The following PLBD1 variants were observed in gnomAD, a reference collection of about 807,000 sequenced individuals.
PLBD1 encodes the protein phospholipase B domain containing 1.
Under a neutral mutation model 63.0 loss-of-function variants are expected in PLBD1, and 60 were observed. That is an observed-to-expected ratio of 0.95 (90% confidence interval 0.77 to 1.18). The LOEUF (loss-of-function observed/expected upper bound fraction) is 1.18, where lower values mean the gene tolerates loss of function less well. Among genes scored for constraint, PLBD1 ranks in the 50% most tolerant of loss-of-function variants. The pLI is 0.00. For synonymous variants in PLBD1, 262 were observed against 248.0 expected, an observed-to-expected ratio of 1.06 and a Z score of -0.53; for missense variants, 598 against 677.9, an observed-to-expected ratio of 0.88 and a Z score of 1.31.
chr12:14,552,205 G>A (rs927053272), intron 2 of PLBD1, among the ~76,000 whole-genome samples: 4 of 152,086 alleles, frequency 2.6e-5, no homozygotes, highest in African/African-American at 9.7e-5. Flanking sequence ...AAAGAGGCAA[G>A]CAAAGTCATC....
rs185022744 is a variant in PLBD1 at position 14,545,630 on chromosome 12, G to A, written c.336-3339C>T. Among the ~76,000 whole-genome samples the A allele has an allele frequency of 2.6e-5, 4 of 152,204 alleles. No homozygotes were observed. The East Asian group carries it at 5.8e-4, about 22-fold the overall frequency. ...GGAGTTCAGAATTGGAGGCCATTCT[G>A]GATTCCAAGAATGGGAATTTGGCTC... On this transcript the variant is annotated intron_variant, in intron 2 of 10. Transcript: ENST00000240617.
At chr12:14,567,352 G>C (rs1248845836) in intron 1 of PLBD1, among the ~76,000 whole-genome samples, 2 of 152,166 alleles carry the variant, frequency 1.3e-5, no homozygotes, top group Non-Finnish European at 2.9e-5. Context: ...CCAAGAATTC[G>C]GGCCAAAACT....
chr12:14,534,286 T>C (rs1945492142), intron 6 of PLBD1, among the ~76,000 whole-genome samples: 1 of 152,210 alleles, frequency 6.6e-6, no homozygotes, highest in Admixed American at 6.5e-5. Flanking sequence ...GTGTATCCAG[T>C]TGAACCCTTA....
intron 4 of PLBD1, among the ~76,000 whole-genome samples, chr12:14,538,567 A>G (rs570539467): frequency 1.3e-5 from 2 of 152,162 alleles, no homozygotes; most frequent in East Asian, 1.9e-4. Context: ...TTTTTGATGA[A>G]TTTTCAAGTG....
At chr12:14,516,147 G>A (rs1945335285) in intron 6 of PLBD1, among the ~76,000 whole-genome samples, 1 of 152,074 alleles carries the variant, frequency 6.6e-6, no homozygotes, top group Non-Finnish European at 1.5e-5. Flanking sequence ...TGACCAACAT[G>A]GTGAAACCCC....
At chr12:14,563,707 C>T (rs1281161277) in intron 1 of PLBD1, among the ~76,000 whole-genome samples, 1 of 152,136 alleles carries the variant, frequency 6.6e-6, no homozygotes, top group African/African-American at 2.4e-5. Flanking sequence ...ACTTATAATA[C>T]CCATCTTCCA....
rs113284746 is a variant in PLBD1, at chr12:14,556,166, T to C, written c.116-2754A>G. Among the ~76,000 whole-genome samples the C allele has an allele frequency of 7.2e-4, 110 of 152,322 alleles. 2 individuals carry two copies. The highest frequency in any genetic ancestry group is 2.6e-3 in the African/African-American group (108 of 41,562). ...TCAGAGAGGTGGGAGGACGCCAGAA[T>C]GACTATCAGGTTTTAGGCTGAGACT... On this transcript the variant is annotated intron_variant, in intron 1 of 10. Transcript: ENST00000240617.
chr12:14,561,790 A>G lies in PLBD1; in HGVS notation c.115+5792T>C, dbSNP rs182676889. On this transcript the variant is annotated intron_variant, in intron 1 of 10. Transcript: ENST00000240617. Reference sequence around the variant, plus strand: ...AGGCTGGTCTCGAACTCTCAACCTAAGGTGATCTGCCTGCCTTGACCTCCC... The same window carrying G: ...AGGCTGGTCTCGAACTCTCAACCTAGGGTGATCTGCCTGCCTTGACCTCCC... Among the ~76,000 whole-genome samples the G allele has an allele frequency of 2.2e-3, 342 of 152,184 alleles. 3 individuals carry two copies. Among genetic ancestry groups the G allele is most frequent in the African/African-American group, 7.8e-3 (326 of 41,532 alleles).
chr12:14,539,480 G>GC (rs141217764), intron 4 of PLBD1, among the ~76,000 whole-genome samples: 1,519 of 151,332 alleles, frequency 0.01, 17 homozygotes, highest in African/African-American at 0.035. Context: ...TTTTGAATTT[G>GC]CACAAATACA....
chr12:14,524,157 G>T (rs1334693060), intron 6 of PLBD1, among the ~76,000 whole-genome samples: 1 of 152,034 alleles, frequency 6.6e-6, no homozygotes, highest in East Asian at 1.9e-4. Context: ...AGCTGGGGAG[G>T]GTAGGCAAGG....
intron 1 of PLBD1, among the ~76,000 whole-genome samples, chr12:14,556,823 A>G (rs985283934): frequency 2.6e-5 from 4 of 151,694 alleles, no homozygotes; most frequent in Non-Finnish European, 5.9e-5. Context: ...CGTCTCTACT[A>G]AAAATACAAA....
Position 14,536,619 on chromosome 12 carries a change from A to G in PLBD1, c.650T>C (p.Leu217Pro). 6.2e-7 allele frequency: 1 copy of G among 1,614,198 alleles called. No homozygotes were observed. The highest frequency in any genetic ancestry group is 8.5e-7 in the Non-Finnish European group (1 of 1,180,018). The change falls in exon 5 of 11, where the codon CTA becomes CCA. Residue 217 changes from leucine to proline, a missense_variant. Leu to Pro is a moderately conservative substitution (Grantham distance 98). Coordinates refer to ENST00000240617, the MANE Select transcript of PLBD1 (RefSeq NM_024829.6). ...PSLSPTKNGS[L>P]KVFKRWDMGH... ...CATGTCCCATCTCTTAAAAACCTTTAGGCTGCCGTTTTTTGTGGGAGAGAG... is the reference window on the plus strand; with the variant it reads ...CATGTCCCATCTCTTAAAAACCTTTGGGCTGCCGTTTTTTGTGGGAGAGAG...
intron 4 of PLBD1, among the ~76,000 whole-genome samples, chr12:14,537,802 CTGTTT>C: frequency 6.6e-6 from 1 of 152,010 alleles, no homozygotes; most frequent in South Asian, 2.1e-4. Flanking sequence ...AATATCATCT[CTGTTT>C]TGTTTGTTTG....
At position 14,547,864 on chromosome 12, in the gene PLBD1, C is replaced by T. The variant is rs547328861; in HGVS notation, c.335+5329G>A. 4.6e-5 allele frequency among the ~76,000 whole-genome samples: 7 copies of T among 152,212 alleles called. No individual in the cohort carries two copies. The East Asian group carries it at 9.7e-4, about 21-fold the overall frequency. On this transcript the variant is annotated intron_variant, in intron 2 of 10. Coordinates refer to ENST00000240617, the MANE Select transcript of PLBD1 (RefSeq NM_024829.6). ...TGATGAATCCATTTGTCTGTGGTAG[C>T]GGGGCATGTGCATGCAAACTCTGGG...
At chr12:14,561,668 C>T (rs1340494753) in intron 1 of PLBD1, among the ~76,000 whole-genome samples, 1 of 152,186 alleles carries the variant, frequency 6.6e-6, no homozygotes, top group East Asian at 1.9e-4. Context: ...AATTCTCCTG[C>T]CTCAGCCTCC....
At chr12:14,505,359 GACAC>G (rs1945245389) in intron 10 of PLBD1, among the ~76,000 whole-genome samples, 1 of 152,088 alleles carries the variant, frequency 6.6e-6, no homozygotes, top group Non-Finnish European at 1.5e-5. Flanking sequence ...GAAATGAAAA[GACAC>G]ACACCCAAGC....
At chr12:14,566,507 A>G (rs1010188480) in intron 1 of PLBD1, among the ~76,000 whole-genome samples, 9 of 152,198 alleles carry the variant, frequency 5.9e-5, no homozygotes, top group Non-Finnish European at 1.0e-4. Context: ...GAATTCTTTC[A>G]AGTCCCTTAG....
intron 4 of PLBD1, 25 bp downstream of exon 4, chr12:14,540,739 C>T: frequency 1.9e-6 from 3 of 1,538,904 alleles, no homozygotes; most frequent in Non-Finnish European, 2.6e-6. Context: ...TCTATAAATT[C>T]TGAGAAGCTT....
At chr12:14,512,727 A>G (rs1225101108) in intron 6 of PLBD1, among the ~76,000 whole-genome samples, 1 of 152,180 alleles carries the variant, frequency 6.6e-6, no homozygotes, top group East Asian at 1.9e-4. Flanking sequence ...TTAAACAGAA[A>G]AGGACCTCAG....
Sources: allele counts gnomAD v4.1 joint callset (sites outside exome capture counted in the v4.1 genomes callset), GRCh38; gene constraint gnomAD v4.1.1; transcripts MANE v1.5; gene names NCBI Gene and HGNC (gene_info 2026-07-23, HGNC 2026-07-21).